KCNIP1: variants seen among roughly 807,000 people sequenced by gnomAD.
The protein encoded by KCNIP1 is potassium voltage-gated channel interacting protein 1.
Under a neutral mutation model 33.0 loss-of-function variants are expected in KCNIP1, and 18 were observed. That is an observed-to-expected ratio of 0.55 (90% CI 0.38 to 0.81). The LOEUF (loss-of-function observed/expected upper bound fraction) is 0.81. KCNIP1 is among the 30% of genes least tolerant of loss of function. The pLI, the probability that KCNIP1 is intolerant of heterozygous loss-of-function variation, is 0.00. For synonymous variants in KCNIP1, 93 were observed against 98.3 expected (o/e 0.95, Z 0.32); for missense variants, 238 against 271.6 (o/e 0.88, Z 0.87).
intron 1 of KCNIP1, among the ~76,000 whole-genome samples, chr5:170,522,895 G>T (rs904604409): frequency 6.6e-6 from 1 of 152,216 alleles, no homozygotes; most frequent in African/African-American, 2.4e-5. Flanking sequence ...TTCTGAACAG[G>T]ACTTGGAACA....
chr5:170,656,869 C>A (rs111834011), intron 1 of KCNIP1, among the ~76,000 whole-genome samples: 3 of 152,218 alleles, frequency 2.0e-5, no homozygotes, highest in African/African-American at 7.2e-5. Flanking sequence ...CCTTGGCTCC[C>A]GCTGTGGCCC....
At chr5:170,378,439 T>G in intron 1 of KCNIP1, 1 of 436,364 alleles carries the variant, frequency 2.3e-6, no homozygotes, top group East Asian at 3.8e-5. Context: ...TATGAGTCAG[T>G]TGAGTGGGGA....
intron 1 of KCNIP1, chr5:170,679,328 C>G (rs1451255588): frequency 6.6e-6 from 1 of 152,174 alleles, no homozygotes; most frequent in Non-Finnish European, 1.5e-5. Context: ...TGCCTACACG[C>G]CAATGAGAAT....
intron 1 of KCNIP1, among the ~76,000 whole-genome samples, chr5:170,712,660 C>T (rs1175347431): frequency 2.0e-5 from 3 of 152,250 alleles, no homozygotes; most frequent in East Asian, 3.8e-4. Flanking sequence ...GGAGGCAACC[C>T]ACTGCTCTTG....
At chr5:170,473,850 G>A (rs1419261128) in intron 1 of KCNIP1, among the ~76,000 whole-genome samples, 1 of 152,178 alleles carries the variant, frequency 6.6e-6, no homozygotes, top group Non-Finnish European at 1.5e-5. Context: ...ATCTTTGCCA[G>A]TTCTCTGACC....
At chr5:170,430,226 G>A (rs1755711032) in intron 1 of KCNIP1, among the ~76,000 whole-genome samples, 1 of 152,214 alleles carries the variant, frequency 6.6e-6, no homozygotes, top group Non-Finnish European at 1.5e-5. Context: ...ACCCAATAGG[G>A]GCTTTTCATG....
At chr5:170,574,995 C>T (rs139146389) in intron 1 of KCNIP1, among the ~76,000 whole-genome samples, 84 of 152,252 alleles carry the variant, frequency 5.5e-4, no homozygotes, top group African/African-American at 1.8e-3. Context: ...GTACAGCTTT[C>T]CAGCAGTTCC....
chr5:170,616,640 T>A (rs1759384197), intron 1 of KCNIP1, among the ~76,000 whole-genome samples: 1 of 152,140 alleles, frequency 6.6e-6, no homozygotes, highest in Non-Finnish European at 1.5e-5. Flanking sequence ...TGGGGTTCCA[T>A]GCTCTCCTCT....
chr5:170,501,223 T>C (rs559751173), upstream of KCNIP1, among the ~76,000 whole-genome samples: 25 of 152,118 alleles, frequency 1.6e-4, no homozygotes, highest in East Asian at 1.5e-3. Flanking sequence ...CTGGAGGAGA[T>C]GACATCTGCA....
intron 1 of KCNIP1, among the ~76,000 whole-genome samples, chr5:170,474,852 C>T (rs984500639): frequency 4.6e-5 from 7 of 152,174 alleles, no homozygotes; most frequent in Non-Finnish European, 8.8e-5. Flanking sequence ...TGAGCAGCAG[C>T]AAGATTTTTT....
intron 1 of KCNIP1, among the ~76,000 whole-genome samples, chr5:170,710,497 C>G (rs1467478242): frequency 1.3e-5 from 2 of 152,082 alleles, no homozygotes; most frequent in East Asian, 3.9e-4. Flanking sequence ...AGTCTTGTCT[C>G]TTAATATGCC....
chr5:170,485,434 G>A (rs112151508), intron 1 of KCNIP1, among the ~76,000 whole-genome samples: 18 of 152,284 alleles, frequency 1.2e-4, no homozygotes, highest in African/African-American at 4.1e-4. Flanking sequence ...GGGTGTGGAC[G>A]GGGAGGGTGG....
At chr5:170,592,611 G>A (rs1758301121) in intron 1 of KCNIP1, among the ~76,000 whole-genome samples, 1 of 152,098 alleles carries the variant, frequency 6.6e-6, no homozygotes, top group Non-Finnish European at 1.5e-5. Flanking sequence ...CTCATCTTTG[G>A]CACAGTGGCA....
At chr5:170,530,353 T>G (rs980089065) in intron 1 of KCNIP1, among the ~76,000 whole-genome samples, 1 of 152,246 alleles carries the variant, frequency 6.6e-6, no homozygotes, top group Non-Finnish European at 1.5e-5. Context: ...TAACTGCTCC[T>G]TTTAGTCCTC....
chr5:170,567,495 A>T lies in KCNIP1; in HGVS notation c.61+62862A>T, dbSNP rs1031194292. On this transcript the variant is annotated intron_variant, in intron 1 of 7. Coordinates refer to ENST00000328939, the MANE Select transcript of KCNIP1 (RefSeq NM_014592.4). Reference sequence around the variant, plus strand: ...GTCAGTCAGGAGATGAGGATCATAGAGGAGATCAGGCAAAGAGAAGTCCAG... The same window carrying T: ...GTCAGTCAGGAGATGAGGATCATAGTGGAGATCAGGCAAAGAGAAGTCCAG... Among the ~76,000 whole-genome samples the T allele has an allele frequency of 9.8e-5, 15 of 152,334 alleles. No individual in the cohort carries two copies. The South Asian group carries it at 1.2e-3, about 13-fold the overall frequency.
chr5:170,597,784 A>AATATGTATATATATAT (rs1758496436), intron 1 of KCNIP1, among the ~76,000 whole-genome samples: 2 of 134,434 alleles, frequency 1.5e-5, no homozygotes, highest in African/African-American at 6.1e-5. Context: ...GAGAGAGATA[A>AATATGTATATATATAT]ATATATATAT....
At chr5:170,488,512 G>A (rs1757142196) in intron 1 of KCNIP1, among the ~76,000 whole-genome samples, 1 of 152,220 alleles carries the variant, frequency 6.6e-6, no homozygotes, top group African/African-American at 2.4e-5. Context: ...ATCAGAGGAG[G>A]AGGATAGACA....
At chr5:170,480,622 GT>G (rs1756955979) in intron 1 of KCNIP1, among the ~76,000 whole-genome samples, 1 of 151,186 alleles carries the variant, frequency 6.6e-6, no homozygotes, top group African/African-American at 2.4e-5. Context: ...TGTATTTTTT[GT>G]ATTTGAGATG....
chr5:170,425,210 G>T (rs1484473385), intron 1 of KCNIP1, among the ~76,000 whole-genome samples: 1 of 152,168 alleles, frequency 6.6e-6, no homozygotes, highest in Non-Finnish European at 1.5e-5. Flanking sequence ...TATCTGGGCG[G>T]TTCTCCACTG....
Sources: gnomAD v4.1 joint callset for allele counts (sites outside exome capture counted in the v4.1 genomes callset) on GRCh38, gnomAD v4.1.1 for gene constraint, MANE v1.5 for transcripts, NCBI Gene and HGNC (gene_info 2026-07-23, HGNC 2026-07-21) for gene names.